The following RCOR1 variants were observed in gnomAD, a reference collection of about 807,000 sequenced individuals.
RCOR1 encodes REST corepressor 1.
In RCOR1, 12 loss-of-function variants were observed where a neutral mutation model predicts 64.0. The ratio of observed to expected loss-of-function variants is 0.19; its 90% CI spans 0.12 to 0.30. The LOEUF (loss-of-function observed/expected upper bound fraction) is 0.30, where lower values mean the gene tolerates loss of function less well. Ranked by LOEUF, RCOR1 falls within the 10% of genes least tolerant of loss-of-function variation. The pLI, the probability that RCOR1 is intolerant of heterozygous loss-of-function variation, is 1.00. For synonymous variants in RCOR1, 279 were observed against 227.2 expected, an observed-to-expected ratio of 1.23 and a Z score of -2.05; for missense variants, 502 against 621.2, an observed-to-expected ratio of 0.81 and a Z score of 2.04.
At position 102,593,322 on chromosome 14, in the gene RCOR1, C is replaced by T; in HGVS notation, c.358C>T (p.Pro120Ser). Residue 120 changes from proline to serine, a missense_variant, in exon 2 of 12, where the codon CCC becomes TCC. By Grantham distance (74) the Pro-to-Ser change is moderately conservative (BLOSUM62 -1). Coordinates refer to ENST00000262241, the MANE Select transcript of RCOR1 (RefSeq NM_015156.4). ...CCAGGCGGTGGTGCCCGACTTCGAC[C>T]CCGGTGAGTAGCGGCCCCGGCCGGC... ...QYQAVVPDFD[P>S]AKLARRSQER... 6.5e-7 allele frequency: 1 copy of T among 1,544,960 alleles called. No individual in the cohort carries two copies. The highest frequency in any genetic ancestry group is 2.3e-4 in the Middle Eastern group (1 of 4,372).
At position 102,727,683 on chromosome 14, in the gene RCOR1, G is replaced by T. The variant is rs1896296416; in HGVS notation, c.*1177G>T. The T allele has an allele frequency of 6.6e-6, 1 of 152,174 alleles. No individual in the cohort carries two copies. Among genetic ancestry groups the T allele is most frequent in the African/African-American group, 2.4e-5 (1 of 41,442 alleles). The allele number at this position is 152,174 out of a possible 1,614,324, so 9.4% of individuals were successfully genotyped here. A position where few individuals can be genotyped will look rare whatever the true frequency, so the allele number is the denominator to read the frequency against. On this transcript the variant is annotated 3_prime_UTR_variant, in exon 12 of 12. Transcript: ENST00000262241. ...TTTTCATATCAGAGTACAGGACAGA[G>T]AAGTGATCAATGTATTGGTCTAGTG...
rs529750795 is a variant in RCOR1, at chr14:102,637,252, G to C, written c.361+43927G>C. Reference sequence around the variant, plus strand: ...AGCGATTCTCCTGCCTCAGCCTCCCGAGTAGTTGGGATTACAGGCGCCCGC... The same window carrying C: ...AGCGATTCTCCTGCCTCAGCCTCCCCAGTAGTTGGGATTACAGGCGCCCGC... On this transcript the variant is annotated intron_variant, in intron 2 of 11. Transcript: ENST00000262241. Among the ~76,000 whole-genome samples, 16 of 150,784 alleles carry C rather than the reference G, an allele frequency of 1.1e-4. No individual in the cohort carries two copies. The South Asian group carries it at 2.9e-3, about 28-fold the overall frequency.
Position 102,730,323 on chromosome 14 carries a change from G to GA in RCOR1, c.*3821dup, listed in dbSNP as rs1896347239. On this transcript the variant is annotated 3_prime_UTR_variant, in exon 12 of 12. Transcript: ENST00000262241. ...ATGAAATCCACGTTGGAATTTTAAA[G>GA]AAAATATGTTGTAATAATGCTGTTG... 1 of 265,256 alleles carries GA rather than the reference G, an allele frequency of 3.8e-6. No individual in the cohort carries two copies. The highest frequency in any genetic ancestry group is 1.7e-4 in the South Asian group (1 of 5,802). The allele number at this position is 265,256 out of a possible 1,614,324, so 16.4% of individuals were successfully genotyped here.
At chr14:102,708,650 G>A in intron 6 of RCOR1, 67 bp downstream of exon 6, 1 of 864,992 alleles carries the variant, frequency 1.2e-6, no homozygotes, top group African/African-American at 1.7e-5. Flanking sequence ...GATACACAAA[G>A]GCAAGGCAGA....
chr14:102,687,260 G>T (rs1318484149), intron 3 of RCOR1, among the ~76,000 whole-genome samples: 1 of 152,172 alleles, frequency 6.6e-6, no homozygotes, highest in Non-Finnish European at 1.5e-5. Flanking sequence ...CTTTTTAGAG[G>T]TAGAAACACT....
intron 2 of RCOR1, among the ~76,000 whole-genome samples, chr14:102,666,547 C>T (rs576626062): frequency 2.0e-5 from 3 of 152,238 alleles, no homozygotes; most frequent in Non-Finnish European, 4.4e-5. Context: ...GTTCCAGAAT[C>T]CCATCGAAGA....
In RCOR1 at chr14:102,707,343, T is replaced by G; in HGVS notation, c.499-8T>G. On this transcript the variant is annotated splice_region_variant and splice_polypyrimidine_tract_variant and intron_variant, in intron 4 of 11. Transcript: ENST00000262241. ...TGATCTAAAATTTTACTGATATCAT[T>G]TTTGTAGGCTCTTGGGATGCTCTTC... 6.4e-7 allele frequency: 1 copy of G among 1,569,416 alleles called. No homozygotes were observed. The highest frequency in any genetic ancestry group is 8.6e-7 in the Non-Finnish European group (1 of 1,165,518).
At chr14:102,705,891 A>G (rs1252973000) in intron 4 of RCOR1, among the ~76,000 whole-genome samples, 2 of 151,942 alleles carry the variant, frequency 1.3e-5, no homozygotes, top group Admixed American at 1.3e-4. Flanking sequence ...CACTTCAGGC[A>G]GATCACTTGA....
chr14:102,725,791 G>A (rs1036820955), intron 11 of RCOR1, among the ~76,000 whole-genome samples: 3 of 151,856 alleles, frequency 2.0e-5, no homozygotes, highest in South Asian at 2.1e-4. Flanking sequence ...GGCTGGTCTC[G>A]AATTCCTGAC....
intron 2 of RCOR1, among the ~76,000 whole-genome samples, chr14:102,670,347 A>C (rs1237931463): frequency 6.6e-6 from 1 of 152,162 alleles, no homozygotes; most frequent in East Asian, 1.9e-4. Flanking sequence ...TATAGGTATT[A>C]GAGTATGACA....
In RCOR1 at chr14:102,592,901, G is replaced by T. The variant is rs1374346052; in HGVS notation, c.15G>T (p.Val5=). The part of the protein sequence containing the change: MPAM[V]EKGPEVSGKR... ...GGCCCCCGCCGATGCCGGCCATGGT[G>T]GAGAAGGGCCCCGAGGTCTCAGGGA... Residue 5 remains valine, a synonymous_variant, in exon 1 of 12, where the codon GTG becomes GTT. Transcript: ENST00000262241. 8.1e-7 allele frequency: 1 copy of T among 1,237,650 alleles called. No individual in the cohort carries two copies. The highest frequency in any genetic ancestry group is 2.4e-5 in the South Asian group (1 of 42,538). 76.7% of individuals were successfully genotyped at this position (1,237,650 alleles called of 1,614,324 possible).
At chr14:102,647,990 A>G (rs116790549) in intron 2 of RCOR1, among the ~76,000 whole-genome samples, 3,561 of 152,144 alleles carry the variant, frequency 0.023, 131 homozygotes, top group African/African-American at 0.076. Context: ...ATTATTTTTA[A>G]TTTGATGGTC....
At chr14:102,635,384 T>A (rs1894214923) in intron 2 of RCOR1, among the ~76,000 whole-genome samples, 2 of 152,054 alleles carry the variant, frequency 1.3e-5, no homozygotes, top group Admixed American at 6.6e-5. Flanking sequence ...GGTGCCTGTA[T>A]TCCCAGCTAC....
At chr14:102,698,955 G>T (rs1317454581) in intron 3 of RCOR1, among the ~76,000 whole-genome samples, 2 of 151,532 alleles carry the variant, frequency 1.3e-5, no homozygotes, top group Non-Finnish European at 2.9e-5. Context: ...GTCTTGCTCT[G>T]TCACCAAGGC....
intron 2 of RCOR1, chr14:102,659,190 A>G (rs1894783465): frequency 1.0e-6 from 1 of 984,512 alleles, no homozygotes; most frequent in Non-Finnish European, 1.2e-6. Flanking sequence ...TAAAATCTCC[A>G]TAAATACTTA....
At chr14:102,599,513 A>G (rs1370997106) in intron 2 of RCOR1, among the ~76,000 whole-genome samples, 1 of 152,152 alleles carries the variant, frequency 6.6e-6, no homozygotes, top group Non-Finnish European at 1.5e-5. Context: ...GTTAATGATG[A>G]ATATTTTTGA....
intron 2 of RCOR1, among the ~76,000 whole-genome samples, chr14:102,638,040 T>A (rs1479632524): frequency 6.6e-6 from 1 of 152,322 alleles, no homozygotes; most frequent in Non-Finnish European, 1.5e-5. Context: ...CAAAAAAAAA[T>A]TTAACTTCCC....
chr14:102,717,693 G>A (rs754990862), intron 8 of RCOR1, among the ~76,000 whole-genome samples: 11 of 152,098 alleles, frequency 7.2e-5, no homozygotes, highest in Non-Finnish European at 1.6e-4. Context: ...GGTGGTTGCT[G>A]TTTAATATAT....
At position 102,726,736 on chromosome 14, in the gene RCOR1, G is replaced by C; in HGVS notation, c.*230G>C. 4 of 526,052 alleles carry C rather than the reference G, an allele frequency of 7.6e-6. 1 individual carries two copies. The Middle Eastern group carries it at 1.8e-3, about 242-fold the overall frequency. The allele number at this position is 526,052 out of a possible 1,614,324, so 32.6% of individuals were successfully genotyped here. A position where few individuals can be genotyped will look rare whatever the true frequency, so the allele number is the denominator to read the frequency against. On this transcript the variant is annotated 3_prime_UTR_variant, in exon 12 of 12. Transcript: ENST00000262241. ...ACTGCATCTCACACTCTGCCCACGTGCTGGGGAAGTCTCACGGCCTGCACA... is the reference window on the plus strand; with the variant it reads ...ACTGCATCTCACACTCTGCCCACGTCCTGGGGAAGTCTCACGGCCTGCACA...
Sources: allele counts gnomAD v4.1 joint callset (sites outside exome capture counted in the v4.1 genomes callset), GRCh38; gene constraint gnomAD v4.1.1; transcripts MANE v1.5; gene names NCBI Gene and HGNC (gene_info 2026-07-23, HGNC 2026-07-21).